PRDM6: variants seen among roughly 807,000 people sequenced by gnomAD.
The protein encoded by PRDM6 is putative histone-lysine N-methyltransferase PRDM6.
In PRDM6, 25 loss-of-function variants were observed where a neutral mutation model predicts 60.8. The ratio of observed to expected loss-of-function variants is 0.41; its 90% CI spans 0.30 to 0.57. The LOEUF is 0.57. Among genes scored for constraint, PRDM6 ranks in the 20% least tolerant of loss-of-function variants. The probability of loss-of-function intolerance (pLI) is 0.27; values close to 1 mark genes in which losing one functional copy is unlikely to be tolerated. For missense variants in PRDM6, 839 were observed against 821.3 expected (o/e 1.02, Z -0.26); for synonymous variants, 407 against 357.4 (o/e 1.14, Z -1.57).
chr5:123,192,275 C>G lies in PRDM6; in HGVS notation c.*5074C>G, dbSNP rs918046716. 5.3e-5 allele frequency: 8 copies of G among 152,142 alleles called. No homozygotes were observed. The highest frequency in any genetic ancestry group is 7.4e-5 in the Non-Finnish European group (5 of 68,020). 9.4% of individuals were successfully genotyped at this position (152,142 alleles called of 1,614,324 possible). A position where few individuals can be genotyped will look rare whatever the true frequency, so the allele number is the denominator to read the frequency against. On this transcript the variant is annotated 3_prime_UTR_variant, in exon 8 of 8. Coordinates refer to ENST00000407847, the MANE Select transcript of PRDM6 (RefSeq NM_001136239.4). Reference sequence around the variant, plus strand: ...TATAACAAAGATACTATCATTATCCCCTTCTCATATATGCTTAACAGTTTT... The same window carrying G: ...TATAACAAAGATACTATCATTATCCGCTTCTCATATATGCTTAACAGTTTT...
chr5:123,169,859 A>C (rs1765843475), intron 5 of PRDM6, among the ~76,000 whole-genome samples: 1 of 152,192 alleles, frequency 6.6e-6, no homozygotes, highest in South Asian at 2.1e-4. Context: ...AAGACCACTT[A>C]GCTAATAAGA....
chr5:123,158,018 G>A (rs1554089606), intron 4 of PRDM6, among the ~76,000 whole-genome samples: 1 of 152,214 alleles, frequency 6.6e-6, no homozygotes, highest in Non-Finnish European at 1.5e-5. Flanking sequence ...AGATTTCTGC[G>A]AGTTTTGGAA....
rs1437767202 is a variant in PRDM6 at position 123,155,884 on chromosome 5, A to G, written c.901A>G (p.Ile301Val). 1.3e-6 allele frequency: 2 copies of G among 1,550,134 alleles called. No individual in the cohort carries two copies. Among genetic ancestry groups the G allele is most frequent in the African/African-American group, 2.7e-5 (2 of 72,946 alleles). ...CTTGACCTTCTGACCTCTTCTCCAG[A>G]TATATGACCAGGATGGGACACTACA... ...AVRNTQHLWE[I>V]YDQDGTLQHF... is the part of the protein sequence containing the mutation. Residue 301 changes from isoleucine to valine, a missense_variant and splice_region_variant, in exon 4 of 8, where the codon ATA becomes GTA. Ile to Val is a conservative substitution (Grantham distance 29, BLOSUM62 3). Coordinates refer to ENST00000407847, the MANE Select transcript of PRDM6 (RefSeq NM_001136239.4).
At chr5:123,141,486 G>C (rs1765099969) in intron 3 of PRDM6, among the ~76,000 whole-genome samples, 2 of 151,908 alleles carry the variant, frequency 1.3e-5, no homozygotes, top group African/African-American at 4.8e-5. Flanking sequence ...TGTATGTCAG[G>C]CACTATTTGC....
intron 2 of PRDM6, among the ~76,000 whole-genome samples, chr5:123,095,769 G>A (rs1763943364): frequency 6.6e-6 from 1 of 152,222 alleles, no homozygotes; most frequent in South Asian, 2.1e-4. Flanking sequence ...GGGGAGTGAA[G>A]ATGTGATGTA....
At chr5:123,150,257 G>A (rs937230679) in intron 3 of PRDM6, among the ~76,000 whole-genome samples, 2 of 151,972 alleles carry the variant, frequency 1.3e-5, no homozygotes, top group African/African-American at 2.4e-5. Flanking sequence ...CCAAAATCAC[G>A]TCATCACAAT....
At chr5:123,132,128 A>T (rs1355441442) in intron 3 of PRDM6, among the ~76,000 whole-genome samples, 1 of 152,132 alleles carries the variant, frequency 6.6e-6, no homozygotes, top group Non-Finnish European at 1.5e-5. Flanking sequence ...TGCCCTTTTC[A>T]TAACAGCTAT....
chr5:123,135,516 A>T (rs1457781131), intron 3 of PRDM6, among the ~76,000 whole-genome samples: 1 of 152,192 alleles, frequency 6.6e-6, no homozygotes, highest in Non-Finnish European at 1.5e-5. Flanking sequence ...CTGTGGATTT[A>T]ATAAAACTTT....
intron 5 of PRDM6, among the ~76,000 whole-genome samples, chr5:123,165,663 T>A (rs1765735953): frequency 6.6e-6 from 1 of 152,212 alleles, no homozygotes; most frequent in Admixed American, 6.5e-5. Flanking sequence ...ATGCCATCAG[T>A]AATGTTGGCA....
intron 3 of PRDM6, among the ~76,000 whole-genome samples, chr5:123,140,032 T>C (rs10044090): frequency 0.18 from 27,771 of 152,124 alleles, 3,128 homozygotes; most frequent in East Asian, 0.59. Flanking sequence ...GTAAATGAAC[T>C]GTGTAATTGG....
chr5:123,166,448 TG>T (rs139835075), intron 5 of PRDM6, among the ~76,000 whole-genome samples: 40,214 of 151,082 alleles, frequency 0.27, 5,741 homozygotes, highest in East Asian at 0.58. Flanking sequence ...TTTATGTTTT[TG>T]TTTTTTATTT....
chr5:123,151,026 C>T (rs1765358330), intron 3 of PRDM6, among the ~76,000 whole-genome samples: 1 of 152,160 alleles, frequency 6.6e-6, no homozygotes, highest in South Asian at 2.1e-4. Context: ...AATCCAAGAT[C>T]TTTAAGAAAA....
chr5:123,167,217 C>T (rs971803173), intron 5 of PRDM6, among the ~76,000 whole-genome samples: 21 of 151,310 alleles, frequency 1.4e-4, no homozygotes, highest in East Asian at 1.9e-4. Flanking sequence ...TGTAAACTAT[C>T]GTCACCCTAC....
intron 3 of PRDM6, among the ~76,000 whole-genome samples, chr5:123,102,427 C>A (rs1171814230): frequency 6.6e-6 from 1 of 151,606 alleles, no homozygotes; most frequent in Non-Finnish European, 1.5e-5. Context: ...AATTTTAGTT[C>A]TTTCTTTCAA....
rs1170903752 is a variant in PRDM6 at position 123,130,896 on chromosome 5, T to C, written c.901-24988T>C. ...AATATTTTTAAAATGATAAAGCCCA[T>C]GTGTTCCATTAAAGTGTTTATGGCA... On this transcript the variant is annotated intron_variant, in intron 3 of 7. Coordinates refer to ENST00000407847, the MANE Select transcript of PRDM6 (RefSeq NM_001136239.4). 2.0e-5 allele frequency among the ~76,000 whole-genome samples: 3 copies of C among 152,328 alleles called. No homozygotes were observed. In the South Asian group the frequency reaches 6.2e-4, roughly 32 times the overall value.
At position 123,174,949 on chromosome 5, in the gene PRDM6, T is replaced by C. The variant is rs1474395108; in HGVS notation, c.1496+3841T>C. ...GCTACTGACTTTTTCTTTTCCTGAA[T>C]AAATTCGAAGAGAAGCAGCTGTTGG... is the stretch of plus-strand genomic sequence containing the variant. On this transcript the variant is annotated intron_variant, in intron 6 of 7. Coordinates refer to ENST00000407847, the MANE Select transcript of PRDM6 (RefSeq NM_001136239.4). Among the ~76,000 whole-genome samples the C allele has an allele frequency of 2.6e-5, 4 of 152,364 alleles. No homozygotes were observed. In the East Asian group the frequency reaches 7.7e-4, roughly 29 times the overall value.
chr5:123,129,330 T>C (rs545332807), intron 3 of PRDM6, among the ~76,000 whole-genome samples: 1 of 152,248 alleles, frequency 6.6e-6, no homozygotes, highest in Non-Finnish European at 1.5e-5. Flanking sequence ...GGGATAGCAT[T>C]GAATCTATAT....
intron 3 of PRDM6, among the ~76,000 whole-genome samples, chr5:123,101,729 T>G (rs1344373352): frequency 6.6e-6 from 1 of 152,120 alleles, no homozygotes; most frequent in South Asian, 2.1e-4. Flanking sequence ...TCATTGTGGG[T>G]TTTTTCCCCC....
rs1763776449 is a variant in PRDM6, at chr5:123,090,077, G to A, written c.63G>A (p.Gln21=). The A allele has an allele frequency of 1.3e-6, 2 of 1,548,048 alleles. No individual in the cohort carries two copies. The highest frequency in any genetic ancestry group is 1.7e-6 in the Non-Finnish European group (2 of 1,145,892). The change falls in exon 2 of 8, where the codon CAG becomes CAA. Residue 21 remains glutamine, a synonymous_variant. Coordinates refer to ENST00000407847, the MANE Select transcript of PRDM6 (RefSeq NM_001136239.4). Reference sequence around the variant, plus strand: ...TCAAAGTGGACCCAGCCTACCTGCAGCACTGGCAGCAACTCTTCCCTCACG... The same window carrying A: ...TCAAAGTGGACCCAGCCTACCTGCAACACTGGCAGCAACTCTTCCCTCACG... ...AFLKVDPAYL[Q]HWQQLFPHGG...
Sources: allele counts gnomAD v4.1 joint callset (sites outside exome capture counted in the v4.1 genomes callset), GRCh38; gene constraint gnomAD v4.1.1; transcripts MANE v1.5; gene names NCBI Gene and HGNC (gene_info 2026-07-23, HGNC 2026-07-21).